The following SERPINB3 variants were observed in gnomAD, a reference collection of about 807,000 sequenced individuals.
SERPINB3 encodes serpin B3.
SERPINB3 carries 33 observed loss-of-function variants against 33.0 expected under a neutral mutation model. The observed-to-expected ratio is 1.00, with a 90% CI of 0.76 to 1.34. The LOEUF is 1.34. SERPINB3 is among the 40% of genes most tolerant of loss of function. The pLI, the probability that SERPINB3 is intolerant of heterozygous loss-of-function variation, is 0.00. For missense variants in SERPINB3, 518 were observed against 461.5 expected (o/e 1.12, Z -1.12); for synonymous variants, 200 against 170.9 (o/e 1.17, Z -1.33).
intron 4 of SERPINB3, 41 bp from the exon 5 acceptor site, chr18:63,658,671 T>A (rs7228687): frequency 6.7e-7 from 1 of 1,482,296 alleles, no homozygotes; most frequent in Non-Finnish European, 9.4e-7. Context: ...TAAGAGTAAT[T>A]TATGTAACTA....
In SERPINB3 at chr18:63,656,779, T is replaced by C. The variant is rs1913507524; in HGVS notation, c.768+52A>G. ...TTTTACCTTGTTTAAACTTGGTATC[T>C]TTGGAAAAATGTCAGGCAGTAGAAG... On this transcript the variant is annotated intron_variant, in intron 7 of 7. Coordinates refer to ENST00000283752, the MANE Select transcript of SERPINB3 (RefSeq NM_006919.3). 2.0e-6 allele frequency: 3 copies of C among 1,538,450 alleles called. No homozygotes were observed. In the East Asian group the frequency reaches 6.9e-5, roughly 35 times the overall value.
rs1913554662 is a variant in SERPINB3, at chr18:63,658,461, C to T, written c.469+52G>A. The T allele has an allele frequency of 7.4e-6, 11 of 1,492,834 alleles. No individual in the cohort carries two copies. The South Asian group carries it at 1.0e-4, about 14-fold the overall frequency. 92.5% of individuals were successfully genotyped at this position (1,492,834 alleles called of 1,614,324 possible). On this transcript the variant is annotated intron_variant, in intron 5 of 7. Transcript: ENST00000283752. The stretch of plus-strand genomic sequence containing the variant: ...CCCCCATGCAGTTTCAGGCATAGGG[C>T]TCACTCGCATAGATTTCTCAAAGGT...
chr18:63,661,342 T>A, intron 1 of SERPINB3, 100 bp from the exon 2 acceptor site: 1 of 1,326,526 alleles, frequency 7.5e-7, no homozygotes, highest in Non-Finnish European at 1.0e-6. Flanking sequence ...TGTTGTGAGA[T>A]TTTGACATTT....
At chr18:63,658,027 G>T (rs553345822) in intron 5 of SERPINB3, among the ~76,000 whole-genome samples, 1 of 152,042 alleles carries the variant, frequency 6.6e-6, no homozygotes, top group South Asian at 2.1e-4. Context: ...GGGGAAGAGA[G>T]CTGTGATAAT....
chr18:63,655,835 G>T lies in SERPINB3; in HGVS notation c.995C>A (p.Ala332Asp). ...TCCCTCCTCTGTAACCTCCACAAAG[G>T]CCTTGTGTAGGACTCCAGATAGCAC... is the stretch of plus-strand genomic sequence containing the variant. The part of the protein sequence containing the change: ...GLVLSGVLHK[A>D]FVEVTEEGAE... Residue 332 changes from alanine to aspartate, a missense_variant, in exon 8 of 8, where the codon GCC becomes GAC. Ala to Asp is a moderately radical substitution (Grantham distance 126, BLOSUM62 -2). Coordinates refer to ENST00000283752, the MANE Select transcript of SERPINB3 (RefSeq NM_006919.3). The T allele has an allele frequency of 6.2e-7, 1 of 1,613,914 alleles. No homozygotes were observed. Among genetic ancestry groups the T allele is most frequent in the South Asian group, 1.1e-5 (1 of 91,076 alleles).
chr18:63,655,842 G>A lies in SERPINB3; in HGVS notation c.988C>T (p.His330Tyr), dbSNP rs906965433. ...SRGLVLSGVLHKAFVEVTEEG... is the reference protein window; with the variant it reads ...SRGLVLSGVLYKAFVEVTEEG... The stretch of plus-strand genomic sequence containing the variant: ...TCTGTAACCTCCACAAAGGCCTTGT[G>A]TAGGACTCCAGATAGCACGAGACCG... The change falls in exon 8 of 8, where the codon CAC becomes TAC. Residue 330 changes from histidine to tyrosine, a missense_variant. Transcript: ENST00000283752. 6.2e-7 allele frequency: 1 copy of A among 1,614,006 alleles called. No homozygotes were observed. Among genetic ancestry groups the A allele is most frequent in the Non-Finnish European group, 8.5e-7 (1 of 1,179,954 alleles).
intron 3 of SERPINB3, among the ~76,000 whole-genome samples, chr18:63,660,314 G>T (rs930300712): frequency 2.6e-5 from 4 of 152,022 alleles, no homozygotes; most frequent in Non-Finnish European, 5.9e-5. Context: ...TCTCATTAAT[G>T]ACTCAATGAA....
chr18:63,655,532 A>T lies in SERPINB3; in HGVS notation c.*125T>A. 2.0e-6 allele frequency: 2 copies of T among 1,020,376 alleles called. No individual in the cohort carries two copies. Among genetic ancestry groups the T allele is most frequent in the Non-Finnish European group, 2.9e-6 (2 of 696,258 alleles). The allele number at this position is 1,020,376 out of a possible 1,614,324, so 63.2% of individuals were successfully genotyped here. A position where few individuals can be genotyped will look rare whatever the true frequency, so the allele number is the denominator to read the frequency against. Reference sequence around the variant, plus strand: ...TTTAATCATTAAATTCTTGATGATGACGATCATCATCAAGATGAGAAAGAA... The same window carrying T: ...TTTAATCATTAAATTCTTGATGATGTCGATCATCATCAAGATGAGAAAGAA... On this transcript the variant is annotated 3_prime_UTR_variant, in exon 8 of 8. Transcript: ENST00000283752.
rs557452919 is a variant in SERPINB3, at chr18:63,660,949, C to T, written c.166-93G>A. On this transcript the variant is annotated intron_variant, in intron 2 of 7. Coordinates refer to ENST00000283752, the MANE Select transcript of SERPINB3 (RefSeq NM_006919.3). Reference sequence around the variant, plus strand: ...AGTTACGGGAATTCCTGCTCAGCCCCCTGTGCTACCCATCAGACCACCACA... The same window carrying T: ...AGTTACGGGAATTCCTGCTCAGCCCTCTGTGCTACCCATCAGACCACCACA... 1.9e-6 allele frequency: 3 copies of T among 1,609,836 alleles called. No homozygotes were observed. In the Admixed American group the frequency reaches 5.0e-5, roughly 27 times the overall value.
At position 63,655,540 on chromosome 18, in the gene SERPINB3, C is replaced by T; in HGVS notation, c.*117G>A. On this transcript the variant is annotated 3_prime_UTR_variant, in exon 8 of 8. Transcript: ENST00000283752. Reference sequence around the variant, plus strand: ...TTAAATTCTTGATGATGACGATCATCATCAAGATGAGAAAGAAAAGAAATA... The same window carrying T: ...TTAAATTCTTGATGATGACGATCATTATCAAGATGAGAAAGAAAAGAAATA... 5 of 1,118,752 alleles carry T rather than the reference C, an allele frequency of 4.5e-6. No homozygotes were observed. Among genetic ancestry groups the T allele is most frequent in the South Asian group, 1.8e-5 (1 of 55,688 alleles). 69.3% of individuals were successfully genotyped at this position (1,118,752 alleles called of 1,614,324 possible). A position where few individuals can be genotyped will look rare whatever the true frequency, so the allele number is the denominator to read the frequency against.
In SERPINB3 at chr18:63,660,781, A is replaced by G; in HGVS notation, c.222+19T>C. The G allele has an allele frequency of 4.3e-6, 7 of 1,613,272 alleles. No individual in the cohort carries two copies. Among genetic ancestry groups the G allele is most frequent in the East Asian group, 4.5e-5 (2 of 44,814 alleles). On this transcript the variant is annotated intron_variant, in intron 3 of 7. Transcript: ENST00000283752. ...CTGTTCGGGGATCTAAAGCTGAACC[A>G]TAGTGCTCTGTGACTCACATGATAT...
In SERPINB3 at chr18:63,658,551, C is replaced by T. The variant is rs143123968; in HGVS notation, c.431G>A (p.Arg144Gln). The T allele has an allele frequency of 9.8e-5, 158 of 1,613,068 alleles. 1 individual carries two copies. The highest frequency in any genetic ancestry group is 7.2e-4 in the African/African-American group (54 of 74,980). Residue 144 changes from arginine (R) to glutamine (Q), a missense_variant, in exon 5 of 8, where the codon CGA (arginine) becomes CAA (glutamine). Arg to Gln is a conservative substitution (Grantham distance 43, BLOSUM62 1). Transcript: ENST00000283752. ...TTCCACCCAGGAGTTAATCTTCTTT[C>T]GACTTTCTTCTGGAGCATTTGCAAA... Reference protein sequence around the residue: ...VDFANAPEESRKKINSWVESQ... With the variant: ...VDFANAPEESQKKINSWVESQ...
At chr18:63,659,115 C>T (rs1913572771) in intron 4 of SERPINB3, among the ~76,000 whole-genome samples, 1 of 152,132 alleles carries the variant, frequency 6.6e-6, no homozygotes, top group Admixed American at 6.6e-5. Context: ...TGAGTCAGTG[C>T]CAGTTTATCG....
Position 63,655,417 on chromosome 18 carries a change from T to C in SERPINB3, c.*240A>G. The C allele has an allele frequency of 2.2e-6, 1 of 461,936 alleles. No individual in the cohort carries two copies. The highest frequency in any genetic ancestry group is 3.8e-6 in the Non-Finnish European group (1 of 263,496). 28.6% of individuals were successfully genotyped at this position (461,936 alleles called of 1,614,324 possible). ...ACGGTATTAAGTGATTCATCTTATT[T>C]TGGACATTTTTCCTCAAGGAGAATT... is the stretch of plus-strand genomic sequence containing the variant. On this transcript the variant is annotated 3_prime_UTR_variant, in exon 8 of 8. Coordinates refer to ENST00000283752, the MANE Select transcript of SERPINB3 (RefSeq NM_006919.3).
rs917280870 is a variant in SERPINB3 at position 63,659,608 on chromosome 18, C to G, written c.223-81G>C. On this transcript the variant is annotated intron_variant, in intron 3 of 7. Transcript: ENST00000283752. ...CCCATGCTAAGTCTGTTAGATCAGT[C>G]CCTAATGGCTGGTAGTCTCAATGAG... is the stretch of plus-strand genomic sequence containing the variant. 1.8e-5 allele frequency: 28 copies of G among 1,584,988 alleles called. No individual in the cohort carries two copies. The African/African-American group carries it at 2.0e-4, about 11-fold the overall frequency.
At chr18:63,659,628 A>C in intron 3 of SERPINB3, 101 bp from the exon 4 acceptor site, 301 of 1,494,696 alleles carry the variant, frequency 2.0e-4, no homozygotes, top group Non-Finnish European at 2.5e-4. Flanking sequence ...TGGTAGTCTC[A>C]ATGAGGACCT....
rs747186440 is a variant in SERPINB3 at position 63,657,375 on chromosome 18, GC to G, written c.506del (p.Gly169AlafsTer9). 3 of 1,609,082 alleles carry G rather than the reference GC, an allele frequency of 1.9e-6. No homozygotes were observed. In the African/African-American group the frequency reaches 4.0e-5, roughly 22 times the overall value. On this transcript the variant is annotated frameshift_variant, in exon 6 of 8. Coordinates refer to ENST00000283752, the MANE Select transcript of SERPINB3 (RefSeq NM_006919.3). LOFTEE classifies it high-confidence loss of function. ...TCACAAGAACCAATGTGGTATTGCT[GC>G]CAATATTACCTTCAGGAATTAGGTT... ...IKNLIPEGNI[G>X]SNTTLVLVNA...
chr18:63,656,071 T>C lies in SERPINB3; in HGVS notation c.769-10A>G. On this transcript the variant is annotated splice_polypyrimidine_tract_variant and intron_variant, in intron 7 of 7. Coordinates refer to ENST00000283752, the MANE Select transcript of SERPINB3 (RefSeq NM_006919.3). ...TGAGTTTCTCTTCAAGCTATACAAATGGAAAAAAGAAACTGATATGACTAA... is the reference window on the plus strand; with the variant it reads ...TGAGTTTCTCTTCAAGCTATACAAACGGAAAAAAGAAACTGATATGACTAA... 6.2e-7 allele frequency: 1 copy of C among 1,606,984 alleles called. No homozygotes were observed. The highest frequency in any genetic ancestry group is 1.3e-5 in the African/African-American group (1 of 74,464).
intron 6 of SERPINB3, 57 bp from the exon 7 acceptor site, chr18:63,657,043 ATAT>A (rs1241198738): frequency 6.9e-7 from 1 of 1,457,752 alleles, no homozygotes; most frequent in African/African-American, 1.4e-5. Context: ...CAAAAAGATA[ATAT>A]TATTGAGATA....
Sources: allele counts gnomAD v4.1 joint callset (sites outside exome capture counted in the v4.1 genomes callset), GRCh38; gene constraint gnomAD v4.1.1; transcripts MANE v1.5; gene names NCBI Gene and HGNC (gene_info 2026-07-23, HGNC 2026-07-21).